Variants in SMIM35 observed in about 807,000 individuals in gnomAD.
SMIM35 encodes TMPRSS4 antisense RNA 1 (non-protein coding).
chr11:118,035,736 A>G (rs1387699679), intron 1 of SMIM35, among the ~76,000 whole-genome samples: 3 of 152,196 alleles, frequency 2.0e-5, no homozygotes. Context: ...GAAATGACTG[A>G]AACAAAGCAT....
intron 1 of SMIM35, among the ~76,000 whole-genome samples, chr11:118,054,581 A>G (rs1011146371): frequency 6.6e-6 from 1 of 152,220 alleles, no homozygotes; most frequent in South Asian, 2.1e-4. Context: ...CTTTATGAAC[A>G]TGGTTCATCT....
chr11:118,015,653 C>T, intron 2 of SMIM35, 40 bp downstream of exon 2: 1 of 399,204 alleles, frequency 2.5e-6, no homozygotes, highest in Admixed American at 4.4e-5. Flanking sequence ...AGAGGAGGAG[C>T]TGCGCAGAAC....
chr11:118,077,772 G>A (rs1285766074), intron 1 of SMIM35, among the ~76,000 whole-genome samples: 2 of 152,114 alleles, frequency 1.3e-5, no homozygotes, highest in Non-Finnish European at 2.9e-5. Flanking sequence ...AGCACTTTGC[G>A]AGGCTGAGGC....
chr11:118,045,230 T>C (rs1272990690), intron 1 of SMIM35, among the ~76,000 whole-genome samples: 1 of 152,132 alleles, frequency 6.6e-6, no homozygotes, highest in Non-Finnish European at 1.5e-5. Flanking sequence ...GAATTCCTCC[T>C]TTGTTGCTCA....
At chr11:118,082,778 T>G (rs949605067) in intron 1 of SMIM35, among the ~76,000 whole-genome samples, 2 of 152,030 alleles carry the variant, frequency 1.3e-5, no homozygotes, top group Non-Finnish European at 2.9e-5. Flanking sequence ...AGAGAGAATA[T>G]TATAAGTGGA....
intron 1 of SMIM35, among the ~76,000 whole-genome samples, chr11:118,056,961 G>A (rs584231): frequency 0.16 from 23,966 of 152,114 alleles, 2,109 homozygotes; most frequent in East Asian, 0.3. Flanking sequence ...GAGAAAAATA[G>A]CCAGGCCACA....
intron 1 of SMIM35, chr11:118,029,655 T>C (rs1013149954): frequency 2.2e-6 from 1 of 457,370 alleles, no homozygotes; most frequent in Non-Finnish European, 4.4e-6. Flanking sequence ...CAGTTTCTTC[T>C]AGCATCAGTT....
At chr11:118,025,938 A>G in intron 1 of SMIM35, 1 of 321,828 alleles carries the variant, frequency 3.1e-6, no homozygotes, top group Non-Finnish European at 5.9e-6. Context: ...CTTACATTTA[A>G]GTCTTTAATT....
rs1337463762 is a variant in SMIM35 at position 118,016,357 on chromosome 11, A to AAG, written c.8-550_8-549dup. Among the ~76,000 whole-genome samples the AAG allele has an allele frequency of 5.3e-5, 8 of 151,474 alleles. No homozygotes were observed. The East Asian group carries it at 5.8e-4, about 11-fold the overall frequency. On this transcript the variant is annotated intron_variant, in intron 1 of 4. Coordinates refer to ENST00000689828, the MANE Select transcript of SMIM35 (RefSeq NM_001394165.1). ...TTTTATTTGTAAAGTCAAACCAAGA[A>AAG]AGAGAGAGAGAGAGAGGTTGGAAAC...
intron 1 of SMIM35, among the ~76,000 whole-genome samples, chr11:118,047,544 T>C (rs1944118645): frequency 6.6e-6 from 1 of 152,128 alleles, no homozygotes; most frequent in African/African-American, 2.4e-5. Context: ...GGAGCAGGCA[T>C]GGGCAATACA....
At chr11:118,014,319 AGGAAG>A (rs1014526731) in intron 3 of SMIM35, among the ~76,000 whole-genome samples, 15 of 152,094 alleles carry the variant, frequency 9.9e-5, no homozygotes, top group East Asian at 1.9e-4. Flanking sequence ...GAAGGAAGGA[AGGAAG>A]GGAAGGGAAG....
At chr11:118,075,694 C>T (rs1944662623) in intron 1 of SMIM35, among the ~76,000 whole-genome samples, 2 of 152,216 alleles carry the variant, frequency 1.3e-5, no homozygotes, top group Admixed American at 1.3e-4. Flanking sequence ...AGGACAAATA[C>T]ACACGTCTAA....
At chr11:118,055,380 C>T (rs1040695949) in intron 1 of SMIM35, among the ~76,000 whole-genome samples, 2 of 152,126 alleles carry the variant, frequency 1.3e-5, no homozygotes, top group Admixed American at 6.5e-5. Context: ...CCTAAGGACC[C>T]CACCAGCTGT....
At chr11:118,017,007 T>C (rs1001180971) in intron 1 of SMIM35, among the ~76,000 whole-genome samples, 1 of 152,146 alleles carries the variant, frequency 6.6e-6, no homozygotes, top group South Asian at 2.1e-4. Flanking sequence ...GTGAACAGAA[T>C]GTGACAGCCA....
At chr11:118,018,201 A>G (rs1377667451) in intron 1 of SMIM35, among the ~76,000 whole-genome samples, 1 of 152,156 alleles carries the variant, frequency 6.6e-6, no homozygotes, top group Non-Finnish European at 1.5e-5. Context: ...CCAGGAGCCA[A>G]ATAATGTAGT....
intron 1 of SMIM35, among the ~76,000 whole-genome samples, chr11:118,044,717 T>TGAGCC (rs1034932697): frequency 7.2e-6 from 1 of 139,572 alleles, no homozygotes; most frequent in African/African-American, 2.7e-5. Context: ...GAGGTTGCAG[T>TGAGCC]GAGCCGAGAC....
rs144430797 is a variant in SMIM35, at chr11:118,007,823, C to T, written c.*34-1447G>A. On this transcript the variant is annotated intron_variant, in intron 4 of 4. Coordinates refer to ENST00000689828, the MANE Select transcript of SMIM35 (RefSeq NM_001394165.1). ...AGCTCTGCAGATAAAAACTCACTTCCAGCACTGCCCAACCTGTTTTTTCTT... is the reference window on the plus strand; with the variant it reads ...AGCTCTGCAGATAAAAACTCACTTCTAGCACTGCCCAACCTGTTTTTTCTT... 7.2e-3 allele frequency among the ~76,000 whole-genome samples: 1,100 copies of T among 152,166 alleles called. 9 individuals carry two copies. The highest frequency in any genetic ancestry group is 0.026 in the African/African-American group (1,065 of 41,496).
intron 1 of SMIM35, among the ~76,000 whole-genome samples, chr11:118,037,951 C>T (rs974970664): frequency 6.6e-6 from 1 of 152,188 alleles, no homozygotes; most frequent in African/African-American, 2.4e-5. Flanking sequence ...CAGACTTCAA[C>T]TCTGGTTTCT....
intron 1 of SMIM35, among the ~76,000 whole-genome samples, chr11:118,043,749 G>A (rs1053654366): frequency 6.7e-6 from 1 of 149,124 alleles, no homozygotes; most frequent in Non-Finnish European, 1.5e-5. Flanking sequence ...GGTGGAGTGA[G>A]CCAAGATCGC....
Sources: allele counts gnomAD v4.1 joint callset (sites outside exome capture counted in the v4.1 genomes callset), GRCh38; gene constraint gnomAD v4.1.1; transcripts MANE v1.5; gene names NCBI Gene and HGNC (gene_info 2026-07-23, HGNC 2026-07-21).